SYAP1: variants seen among roughly 807,000 people sequenced by gnomAD.
The protein encoded by SYAP1 is synapse-associated protein 1.
In SYAP1, 3 loss-of-function variants were observed where a neutral mutation model predicts 29.6. The ratio of observed to expected loss-of-function variants is 0.10; its 90% CI spans 0.05 to 0.26. SYAP1 has a LOEUF of 0.26. Among genes scored for constraint, SYAP1 ranks in the 10% least tolerant of loss-of-function variants. The pLI is 1.00. For missense variants in SYAP1, 217 were observed against 264.1 expected (o/e 0.82, Z 1.24); for synonymous variants, 102 against 102.7 (o/e 0.99, Z 0.04).
intron 3 of SYAP1, among the ~76,000 whole-genome samples, chrX:16,739,374 G>A (rs932775633): frequency 6.4e-5 from 7 of 109,311 alleles, no homozygotes; most frequent in African/African-American, 2.3e-4. Context: ...GAGCATAATA[G>A]TAAAGGGACT....
chrX:16,754,777 C>T (rs1320918768), intron 5 of SYAP1, among the ~76,000 whole-genome samples, 168 bp from the exon 6 acceptor site: 2 of 111,185 alleles, frequency 1.8e-5, no homozygotes, highest in African/African-American at 6.5e-5. Flanking sequence ...GAACCTCACT[C>T]AGCTTTGAAA....
intron 8 of SYAP1, 65 bp from the exon 9 acceptor site, chrX:16,760,167 C>T (rs933867788): frequency 9.3e-6 from 10 of 1,075,909 alleles, no homozygotes; most frequent in African/African-American, 5.7e-5. Context: ...TGAGATGGAC[C>T]GAATTGTGAA....
chrX:16,759,830 G>A (rs1926942281), intron 8 of SYAP1, among the ~76,000 whole-genome samples: 1 of 112,433 alleles, frequency 8.9e-6, no homozygotes, highest in African/African-American at 3.2e-5. Context: ...AGTTGGGCCA[G>A]TGCCCAGCCC....
chrX:16,721,270 C>T (rs1925953764), intron 1 of SYAP1, among the ~76,000 whole-genome samples: 1 of 110,475 alleles, frequency 9.1e-6, no homozygotes, highest in Non-Finnish European at 1.9e-5. Flanking sequence ...CTCACTCTGT[C>T]GCCCAGGCTG....
Position 16,760,394 on chromosome X carries a change from C to G in SYAP1, c.*35C>G, listed in dbSNP as rs779598284. ...AAATAGAAGAATAATCCTTAACAGT[C>G]TGCAAACTGACATTAAATTCTAGAT... On this transcript the variant is annotated 3_prime_UTR_variant, in exon 9 of 9. Coordinates refer to ENST00000380155, the MANE Select transcript of SYAP1 (RefSeq NM_032796.4). 16 of 1,101,859 alleles carry G rather than the reference C, an allele frequency of 1.5e-5. No individual in the cohort carries two copies. Among genetic ancestry groups the G allele is most frequent in the Non-Finnish European group, 1.9e-5 (16 of 836,956 alleles). 90.8% of individuals were successfully genotyped at this position (1,101,859 alleles called of 1,213,427 possible).
At chrX:16,742,736 T>A (rs1238286186) in intron 4 of SYAP1, among the ~76,000 whole-genome samples, 3 of 111,568 alleles carry the variant, frequency 2.7e-5, no homozygotes, top group Non-Finnish European at 3.8e-5. Context: ...GCCTTAGCCT[T>A]CCAAGTATCT....
chrX:16,762,435 A>T lies in SYAP1; in HGVS notation c.*2076A>T, dbSNP rs1024404596. ...GCCTGTGAAAATAAAAGGATAAAAT[A>T]AGATTTTGTACATACTGTAAGAATA... On this transcript the variant is annotated 3_prime_UTR_variant, in exon 9 of 9. Transcript: ENST00000380155. 8.9e-6 allele frequency: 1 copy of T among 111,941 alleles called. No individual in the cohort carries two copies. The highest frequency in any genetic ancestry group is 1.9e-5 in the Non-Finnish European group (1 of 53,252). The allele number at this position is 111,941 out of a possible 1,213,427, so 9.2% of individuals were successfully genotyped here.
intron 1 of SYAP1, among the ~76,000 whole-genome samples, chrX:16,722,964 T>C (rs769225343): frequency 3.5e-4 from 39 of 112,718 alleles, no homozygotes; most frequent in African/African-American, 1.2e-3. Context: ...GAATGTTAAA[T>C]ATCTGAATCA....
At chrX:16,740,981 T>A (rs1235510523) in intron 3 of SYAP1, among the ~76,000 whole-genome samples, 1 of 110,975 alleles carries the variant, frequency 9.0e-6, no homozygotes, top group African/African-American at 3.3e-5. Context: ...TCCTTTTTTT[T>A]AATAGATTCT....
intron 1 of SYAP1, among the ~76,000 whole-genome samples, chrX:16,723,359 G>A (rs1005940592): frequency 2.7e-5 from 3 of 112,016 alleles, no homozygotes; most frequent in African/African-American, 9.7e-5. Flanking sequence ...TTAAAATTGG[G>A]GATCTCGATT....
At position 16,720,407 on chromosome X, in the gene SYAP1, G is replaced by A. The variant is rs1340685542; in HGVS notation, c.175+508G>A. Reference sequence around the variant, plus strand: ...TACAGAGACCTTTTTCCTTAAGGAGGGAGAGAAAATGCCAACTGTCTGCTA... The same window carrying A: ...TACAGAGACCTTTTTCCTTAAGGAGAGAGAGAAAATGCCAACTGTCTGCTA... On this transcript the variant is annotated intron_variant, in intron 1 of 8. Coordinates refer to ENST00000380155, the MANE Select transcript of SYAP1 (RefSeq NM_032796.4). Among the ~76,000 whole-genome samples, 5 of 111,846 alleles carry A rather than the reference G, an allele frequency of 4.5e-5. No homozygotes were observed. The Admixed American group carries it at 4.8e-4, about 11-fold the overall frequency.
At chrX:16,739,619 T>G (rs1379929547) in intron 3 of SYAP1, among the ~76,000 whole-genome samples, 1 of 109,502 alleles carries the variant, frequency 9.1e-6, no homozygotes, top group African/African-American at 3.3e-5. Context: ...TGGGACCAAA[T>G]CATTCTCTTT....
At chrX:16,751,761 C>G (rs1437869010) in intron 5 of SYAP1, among the ~76,000 whole-genome samples, 1 of 104,466 alleles carries the variant, frequency 9.6e-6, no homozygotes, top group Non-Finnish European at 2.0e-5. Context: ...TCACTGCAAC[C>G]TCCGCCTCCT....
At chrX:16,738,544 C>T (rs902797139) in intron 3 of SYAP1, among the ~76,000 whole-genome samples, 1 of 111,817 alleles carries the variant, frequency 8.9e-6, no homozygotes, top group South Asian at 3.7e-4. Context: ...TAGTGGCATG[C>T]GCCTGTAATC....
intron 5 of SYAP1, among the ~76,000 whole-genome samples, chrX:16,747,204 C>T (rs1391180387): frequency 1.3e-4 from 15 of 111,833 alleles, no homozygotes; most frequent in Non-Finnish European, 9.4e-5. Flanking sequence ...CTGCCTCAGC[C>T]TCTCAAGTTG....
chrX:16,741,629 C>G (rs1019843618), intron 3 of SYAP1, 87 bp from the exon 4 acceptor site: 9 of 647,697 alleles, frequency 1.4e-5, no homozygotes, highest in Non-Finnish European at 2.1e-5. Context: ...CATGCAGAAA[C>G]TTTCATGCTT....
intron 5 of SYAP1, among the ~76,000 whole-genome samples, chrX:16,747,853 C>T (rs923613205): frequency 3.7e-4 from 41 of 111,712 alleles, no homozygotes; most frequent in African/African-American, 8.4e-4. Context: ...GAGGCCGAGG[C>T]GGGCGGATCA....
In SYAP1 at chrX:16,727,437, G is replaced by T. The variant is rs1177974594; in HGVS notation, c.175+7538G>T. Among the ~76,000 whole-genome samples the T allele has an allele frequency of 2.8e-5, 3 of 105,961 alleles. No homozygotes were observed. The Admixed American group carries it at 3.1e-4, about 11-fold the overall frequency. The allele number at this position is 105,961 out of a possible 115,157, so 92.0% of individuals were successfully genotyped here. ...CGGCTCACTGCAACCTCCGCCTCCC[G>T]GGTTCAAGTGATTCTTCTGCCTCAG... On this transcript the variant is annotated intron_variant, in intron 1 of 8. Transcript: ENST00000380155.
intron 1 of SYAP1, among the ~76,000 whole-genome samples, chrX:16,725,565 C>T (rs1251413631): frequency 1.8e-5 from 2 of 112,163 alleles, no homozygotes; most frequent in Admixed American, 1.9e-4. Context: ...CACTTCTTGT[C>T]TTTATGGACT....
Sources: gnomAD v4.1 joint callset for allele counts (sites outside exome capture counted in the v4.1 genomes callset) on GRCh38, gnomAD v4.1.1 for gene constraint, MANE v1.5 for transcripts, NCBI Gene and HGNC (gene_info 2026-07-23, HGNC 2026-07-21) for gene names.